ADGRL4: variants seen among roughly 807,000 people sequenced by gnomAD.
The protein encoded by ADGRL4 is adhesion G protein-coupled receptor L4, also known as EGF, latrophilin and seven transmembrane domain containing 1.
In ADGRL4, 90 loss-of-function variants were observed where a neutral mutation model predicts 74.8. The observed-to-expected ratio is 1.20, with a 90% confidence interval of 1.02 to 1.43. The LOEUF is 1.43. ADGRL4 is among the 40% of genes most tolerant of loss of function. The pLI, the probability that ADGRL4 is intolerant of heterozygous loss-of-function variation, is 0.00. For missense variants in ADGRL4, 881 were observed against 814.3 expected (o/e 1.08, Z -1.00); for synonymous variants, 311 against 279.2 (o/e 1.11, Z -1.14).
chr1:78,955,205 C>T (rs1649804550), intron 2 of ADGRL4, among the ~76,000 whole-genome samples: 1 of 152,024 alleles, frequency 6.6e-6, no homozygotes, highest in African/African-American at 2.4e-5. Flanking sequence ...ACAGAACCCT[C>T]TTGTATATTT....
intron 2 of ADGRL4, among the ~76,000 whole-genome samples, chr1:78,985,276 C>A (rs1392325126): frequency 2.0e-5 from 3 of 151,596 alleles, no homozygotes; most frequent in Non-Finnish European, 1.5e-5. Context: ...GGTGTCCATG[C>A]ATAGAAAGAT....
At chr1:78,996,459 T>C (rs980036636) in intron 2 of ADGRL4, among the ~76,000 whole-genome samples, 1 of 152,202 alleles carries the variant, frequency 6.6e-6, no homozygotes, top group African/African-American at 2.4e-5. Flanking sequence ...TATCAATGGA[T>C]ATTCCTTAAA....
intron 2 of ADGRL4, among the ~76,000 whole-genome samples, chr1:78,976,599 A>G (rs1016278221): frequency 2.0e-5 from 3 of 151,746 alleles, no homozygotes; most frequent in African/African-American, 4.8e-5. Context: ...ATATATACAT[A>G]AGACCTTTGA....
intron 12 of ADGRL4, among the ~76,000 whole-genome samples, chr1:78,896,466 C>A (rs1440319371): frequency 6.6e-6 from 1 of 151,924 alleles, no homozygotes; most frequent in Non-Finnish European, 1.5e-5. Context: ...CTATTTTTTT[C>A]TGCAATCTTC....
chr1:78,895,025 G>A (rs1275425991), intron 12 of ADGRL4, among the ~76,000 whole-genome samples: 1 of 151,908 alleles, frequency 6.6e-6, no homozygotes, highest in Non-Finnish European at 1.5e-5. Context: ...ATTCCCTGAG[G>A]TGATCCAAAT....
chr1:78,920,082 C>G (rs1351370043), intron 10 of ADGRL4, 101 bp downstream of exon 10: 9 of 835,838 alleles, frequency 1.1e-5, no homozygotes, highest in Non-Finnish European at 1.6e-5. Flanking sequence ...AGAACGTCTG[C>G]CCCATTAAAC....
chr1:78,946,534 G>T, intron 2 of ADGRL4, 108 bp from the exon 3 acceptor site: 1 of 880,308 alleles, frequency 1.1e-6, no homozygotes, highest in Non-Finnish European at 1.7e-6. Context: ...TAAGGTATGT[G>T]ATGTTTATAT....
chr1:78,999,479 G>T (rs1248470619), intron 2 of ADGRL4, among the ~76,000 whole-genome samples: 6 of 152,086 alleles, frequency 3.9e-5, no homozygotes, highest in Non-Finnish European at 8.8e-5. Context: ...AGGCTGAGGC[G>T]GGAGAATGGC....
chr1:78,907,653 A>C (rs915741834), intron 12 of ADGRL4, among the ~76,000 whole-genome samples: 1 of 151,978 alleles, frequency 6.6e-6, no homozygotes, highest in African/African-American at 2.4e-5. Context: ...GTGTTGTTTG[A>C]GTTGATATCT....
chr1:78,975,132 T>C (rs965044176), intron 2 of ADGRL4, among the ~76,000 whole-genome samples: 4 of 152,130 alleles, frequency 2.6e-5, no homozygotes, highest in African/African-American at 9.7e-5. Context: ...CACTTTCCTA[T>C]CTAGTCATAA....
chr1:78,980,788 T>C (rs945047319), intron 2 of ADGRL4, among the ~76,000 whole-genome samples: 1 of 151,966 alleles, frequency 6.6e-6, no homozygotes, highest in Non-Finnish European at 1.5e-5. Flanking sequence ...ACACTATTTA[T>C]AAAAACCTGC....
chr1:78,981,012 A>G lies in ADGRL4; in HGVS notation c.172+24058T>C, dbSNP rs192917753. On this transcript the variant is annotated intron_variant, in intron 2 of 14. Transcript: ENST00000370742. ...TTTGTGCAGTGTAGCCTAATACTGGACCCCTGAGTACTTCTTTTGTCAAAG... is the reference window on the plus strand; with the variant it reads ...TTTGTGCAGTGTAGCCTAATACTGGGCCCCTGAGTACTTCTTTTGTCAAAG... 6.0e-3 allele frequency among the ~76,000 whole-genome samples: 914 copies of G among 152,010 alleles called. 5 individuals carry two copies. The highest frequency in any genetic ancestry group is 9.7e-3 in the Non-Finnish European group (657 of 67,936).
rs184994113 is a variant in ADGRL4 at position 78,985,856 on chromosome 1, G to A, written c.172+19214C>T. On this transcript the variant is annotated intron_variant, in intron 2 of 14. Transcript: ENST00000370742. ...ATACTATGCAGCCATTAAAAAGGAC[G>A]AGATAATGTTCTTTGCACCAACATA... Among the ~76,000 whole-genome samples, 163 of 151,844 alleles carry A rather than the reference G, an allele frequency of 1.1e-3. 1 individual carries two copies. The highest frequency in any genetic ancestry group is 2.0e-3 in the Non-Finnish European group (138 of 67,834).
rs1444563288 is a variant in ADGRL4, at chr1:78,936,331, T to G, written c.841A>C (p.Ile281Leu). The G allele has an allele frequency of 6.3e-7, 1 of 1,595,466 alleles. No individual in the cohort carries two copies. Among genetic ancestry groups the G allele is most frequent in the Non-Finnish European group, 8.5e-7 (1 of 1,172,892 alleles). ...HMNMDGDYIN[I>L]FPKRKAAYDS... ...TATGCAGCTTTTCTCTTTGGAAATA[T>G]ATTTATGTAGTCTCCATCCATATTC... Residue 281 changes from isoleucine (I) to leucine (L), a missense_variant, in exon 7 of 15, where the codon ATA (isoleucine) becomes CTA (leucine). Coordinates refer to ENST00000370742, the MANE Select transcript of ADGRL4 (RefSeq NM_022159.4).
rs185662164 is a variant in ADGRL4, at chr1:78,932,823, G to C, written c.877+3472C>G. On this transcript the variant is annotated intron_variant, in intron 7 of 14. Transcript: ENST00000370742. ...TCATGCAAAAAAACTAGAATATCTA[G>C]AAAAAATGGATAAATTCCTGGGCAC... 6.3e-4 allele frequency among the ~76,000 whole-genome samples: 96 copies of C among 151,390 alleles called. 4 individuals are homozygous for C. The highest frequency in any genetic ancestry group is 2.2e-3 in the African/African-American group (91 of 40,790).
chr1:78,969,872 G>T (rs1650135898), intron 2 of ADGRL4, among the ~76,000 whole-genome samples: 1 of 152,108 alleles, frequency 6.6e-6, no homozygotes, highest in Non-Finnish European at 1.5e-5. Flanking sequence ...AGTTCAGAAA[G>T]AACAAGAGGG....
chr1:78,969,354 G>A (rs1213828021), intron 2 of ADGRL4, among the ~76,000 whole-genome samples: 4 of 152,172 alleles, frequency 2.6e-5, no homozygotes, highest in Non-Finnish European at 5.9e-5. Flanking sequence ...AACTTGCAGA[G>A]CTGATAAAAG....
intron 2 of ADGRL4, among the ~76,000 whole-genome samples, chr1:78,978,124 T>C (rs1287158003): frequency 6.6e-6 from 1 of 151,916 alleles, no homozygotes; most frequent in Non-Finnish European, 1.5e-5. Context: ...TCTAATATAA[T>C]AGGATTTCCA....
At chr1:78,898,851 G>C (rs192744881) in intron 12 of ADGRL4, among the ~76,000 whole-genome samples, 2 of 152,078 alleles carry the variant, frequency 1.3e-5, no homozygotes, top group East Asian at 3.9e-4. Flanking sequence ...TTTGTTGTTT[G>C]ACAGTGTGTT....
Sources: gnomAD v4.1 joint callset for allele counts (sites outside exome capture counted in the v4.1 genomes callset) on GRCh38, gnomAD v4.1.1 for gene constraint, MANE v1.5 for transcripts, NCBI Gene and HGNC (gene_info 2026-07-23, HGNC 2026-07-21) for gene names.